NEK1: variants seen among roughly 807,000 people sequenced by gnomAD.
NEK1 encodes the protein NIMA related kinase 1.
NEK1 carries 137 observed loss-of-function variants against 182.1 expected under a neutral mutation model. The ratio of observed to expected loss-of-function variants is 0.75; its 90% CI spans 0.65 to 0.87. The LOEUF (loss-of-function observed/expected upper bound fraction) is 0.87. Ranked by LOEUF, NEK1 falls within the 40% of genes least tolerant of loss-of-function variation. The pLI is 0.00. For synonymous variants in NEK1, 513 were observed against 492.2 expected, an observed-to-expected ratio of 1.04 and a Z score of -0.56; for missense variants, 1,391 against 1,494.4, an observed-to-expected ratio of 0.93 and a Z score of 1.14.
chr4:169,499,409 G>C (rs1751997039), intron 23 of NEK1, among the ~76,000 whole-genome samples: 1 of 152,162 alleles, frequency 6.6e-6, no homozygotes, highest in Non-Finnish European at 1.5e-5. Context: ...ACTCGTCAAA[G>C]TCATTCTCTG....
rs17055042 is a variant in NEK1 at position 169,609,971 on chromosome 4, C to T, written c.-49+2049G>A. On this transcript the variant is annotated intron_variant, in intron 2 of 35. Transcript: ENST00000507142. ...ATGCTCCAGAAAAAAGTACCTCAGCCTCTAGTCAAATAAGACAGCTTTCCT... is the reference window on the plus strand; with the variant it reads ...ATGCTCCAGAAAAAAGTACCTCAGCTTCTAGTCAAATAAGACAGCTTTCCT... Among the ~76,000 whole-genome samples, 1,385 of 151,926 alleles carry T rather than the reference C, an allele frequency of 9.1e-3. 25 individuals are homozygous for T. Among genetic ancestry groups the T allele is most frequent in the African/African-American group, 0.031 (1,303 of 41,394 alleles).
intron 12 of NEK1, among the ~76,000 whole-genome samples, chr4:169,567,806 G>A (rs1035691143): frequency 2.5e-4 from 38 of 152,148 alleles, no homozygotes; most frequent in Non-Finnish European, 2.1e-4. Flanking sequence ...TGAGGGCAAC[G>A]ACTCTGCCTG....
At chr4:169,483,022 A>G (rs749425968) in intron 23 of NEK1, among the ~76,000 whole-genome samples, 4 of 152,198 alleles carry the variant, frequency 2.6e-5, no homozygotes, top group Non-Finnish European at 5.9e-5. Context: ...TTCTGTGCCT[A>G]TCTCAGCTTT....
chr4:169,600,349 C>A (rs975972387), intron 4 of NEK1, among the ~76,000 whole-genome samples: 2 of 152,044 alleles, frequency 1.3e-5, no homozygotes, highest in African/African-American at 2.4e-5. Context: ...ACCACCACAC[C>A]TGGCTAATTT....
intron 32 of NEK1, among the ~76,000 whole-genome samples, chr4:169,402,801 T>C (rs538077323): frequency 6.6e-6 from 1 of 152,294 alleles, no homozygotes; most frequent in East Asian, 1.9e-4. Flanking sequence ...TTCTGTAATA[T>C]CTGAGAAACA....
chr4:169,501,771 A>G (rs1752462069), intron 23 of NEK1, among the ~76,000 whole-genome samples: 1 of 152,202 alleles, frequency 6.6e-6, no homozygotes, highest in Admixed American at 6.5e-5. Context: ...GAAAGTTTAC[A>G]GCATTAAATG....
chr4:169,549,093 G>A (rs1328785797), intron 18 of NEK1, among the ~76,000 whole-genome samples: 5 of 152,234 alleles, frequency 3.3e-5, no homozygotes, highest in African/African-American at 1.2e-4. Flanking sequence ...CAGGGCCCTG[G>A]TGGCATAGGG....
intron 27 of NEK1, among the ~76,000 whole-genome samples, chr4:169,447,720 T>G (rs1002328769): frequency 6.6e-6 from 1 of 151,642 alleles, no homozygotes; most frequent in Non-Finnish European, 1.5e-5. Flanking sequence ...TACAAAAAAA[T>G]TAGCCAGGTG....
At chr4:169,593,975 T>C (rs4629400) in intron 5 of NEK1, among the ~76,000 whole-genome samples, 42,032 of 146,924 alleles carry the variant, frequency 0.29, 8,410 homozygotes, top group African/African-American at 0.58. Flanking sequence ...GGCGACAGAG[T>C]GAGACTCCGT....
intron 31 of NEK1, among the ~76,000 whole-genome samples, chr4:169,418,202 A>G (rs1009074201): frequency 6.6e-6 from 1 of 152,204 alleles, no homozygotes; most frequent in Admixed American, 6.5e-5. Context: ...GAAATAAGTT[A>G]ACTAGCTCTA....
rs1431244278 is a variant in NEK1 at position 169,396,271 on chromosome 4, C to T, written c.3848-1748G>A. Among the ~76,000 whole-genome samples, 32 of 135,764 alleles carry T rather than the reference C, an allele frequency of 2.4e-4. No individual in the cohort carries two copies. The Admixed American group carries it at 2.7e-3, about 12-fold the overall frequency. 89.1% of individuals were successfully genotyped at this position (135,764 alleles called of 152,430 possible). On this transcript the variant is annotated intron_variant, in intron 35 of 35. Coordinates refer to ENST00000507142, the MANE Select transcript of NEK1 (RefSeq NM_001199397.3). ...ATGCCAGCTACTTGGGAGGGTGAGA[C>T]AGGAGAATTGCTTGAACCTGGGAGG...
intron 12 of NEK1, among the ~76,000 whole-genome samples, chr4:169,567,217 T>A (rs925984962): frequency 7.2e-5 from 11 of 152,256 alleles, no homozygotes; most frequent in African/African-American, 2.7e-4. Flanking sequence ...TGAAAAACTT[T>A]CCACACAATC....
intron 23 of NEK1, among the ~76,000 whole-genome samples, chr4:169,486,008 G>A (rs746765022): frequency 7.2e-5 from 11 of 151,922 alleles, no homozygotes; most frequent in Non-Finnish European, 1.5e-4. Flanking sequence ...TTCACACCAC[G>A]GCACTCCAGC....
At chr4:169,408,648 G>C (rs1733072506) in intron 31 of NEK1, among the ~76,000 whole-genome samples, 1 of 151,972 alleles carries the variant, frequency 6.6e-6, no homozygotes, top group Non-Finnish European at 1.5e-5. Flanking sequence ...TTGAGTCGCC[G>C]AAGTCCATTA....
intron 27 of NEK1, among the ~76,000 whole-genome samples, chr4:169,447,276 G>A (rs1740755600): frequency 6.6e-6 from 1 of 151,826 alleles, no homozygotes. Flanking sequence ...AGTACTGAAG[G>A]AAAAAAACTT....
intron 28 of NEK1, among the ~76,000 whole-genome samples, chr4:169,435,739 C>G (rs1363730219): frequency 1.3e-5 from 2 of 152,030 alleles, no homozygotes; most frequent in African/African-American, 4.8e-5. Context: ...AGGAGAGGGA[C>G]CCGAATAAGC....
At position 169,518,470 on chromosome 4, in the gene NEK1, T is replaced by G. The variant is rs551023887; in HGVS notation, c.1666-9618A>C. On this transcript the variant is annotated intron_variant, in intron 19 of 35. Coordinates refer to ENST00000507142, the MANE Select transcript of NEK1 (RefSeq NM_001199397.3). ...TCAAAAAACCAGCTCCTGGATTCATTGATTTTTTGAAGGGTTTTTTGTGTC... is the reference window on the plus strand; with the variant it reads ...TCAAAAAACCAGCTCCTGGATTCATGGATTTTTTGAAGGGTTTTTTGTGTC... 1.0e-4 allele frequency among the ~76,000 whole-genome samples: 13 copies of G among 128,616 alleles called. 1 individual carries two copies. The South Asian group carries it at 3.3e-3, about 33-fold the overall frequency. 84.4% of individuals were successfully genotyped at this position (128,616 alleles called of 152,430 possible).
At chr4:169,479,569 T>C (rs1747604140) in intron 23 of NEK1, 35 bp from the exon 24 acceptor site, 1 of 1,511,780 alleles carries the variant, frequency 6.6e-7, no homozygotes, top group Non-Finnish European at 9.0e-7. Flanking sequence ...ACATTAGGGA[T>C]TTTATATTTG....
chr4:169,589,451 T>A lies in NEK1; in HGVS notation c.460A>T (p.Asn154Tyr), dbSNP rs756418625. The change falls in exon 7 of 36, where the codon AAT becomes TAT. Residue 154 changes from asparagine to tyrosine, a missense_variant. Physicochemically the swap from Asn to Tyr is moderately radical, Grantham distance 143 (BLOSUM62 -2). Coordinates refer to ENST00000507142, the MANE Select transcript of NEK1 (RefSeq NM_001199397.3). ...AAAGTTTAAAATTCATGTTACCTAT[T>A]AAGAACTCTAGCAATTCCAAAATCT... is the stretch of plus-strand genomic sequence containing the variant. ...LGDFGIARVL[N>Y]STVELARTCI... is the part of the protein sequence containing the mutation. 3.4e-6 allele frequency: 5 copies of A among 1,489,722 alleles called. No homozygotes were observed. In the East Asian group the frequency reaches 9.8e-5, roughly 29 times the overall value. The allele number at this position is 1,489,722 out of a possible 1,614,324, so 92.3% of individuals were successfully genotyped here. A position where few individuals can be genotyped will look rare whatever the true frequency, so the allele number is the denominator to read the frequency against.
Sources: gnomAD v4.1 joint callset for allele counts (sites outside exome capture counted in the v4.1 genomes callset) on GRCh38, gnomAD v4.1.1 for gene constraint, MANE v1.5 for transcripts, NCBI Gene and HGNC (gene_info 2026-07-23, HGNC 2026-07-21) for gene names.